RERE: variants seen among roughly 807,000 people sequenced by gnomAD.
RERE encodes the protein arginine-glutamic acid dipeptide repeats protein.
In RERE, 40 loss-of-function variants were observed where a neutral mutation model predicts 146.1. That is an observed-to-expected ratio of 0.27 (90% CI 0.21 to 0.36). The LOEUF (loss-of-function observed/expected upper bound fraction) is 0.36. RERE is among the 10% of genes least tolerant of loss of function. The pLI is 1.00. For synonymous variants in RERE, 1,003 were observed against 866.0 expected (o/e 1.16, Z -2.78); for missense variants, 1,933 against 2,138.7 (o/e 0.90, Z 1.90).
chr1:8,619,772 T>A lies in RERE; in HGVS notation c.396+4538A>T, dbSNP rs530575492. Among the ~76,000 whole-genome samples the A allele has an allele frequency of 5.3e-5, 8 of 152,356 alleles. No individual in the cohort carries two copies. In the South Asian group the frequency reaches 1.7e-3, roughly 32 times the overall value. On this transcript the variant is annotated intron_variant, in intron 3 of 22. Coordinates refer to ENST00000400908, the MANE Select transcript of RERE (RefSeq NM_001042681.2). ...TAATGCCTGGGTTTCTATAAAAATATGATTTTATTGTTTTTCGTAAACAAA... is the reference window on the plus strand; with the variant it reads ...TAATGCCTGGGTTTCTATAAAAATAAGATTTTATTGTTTTTCGTAAACAAA...
intron 12 of RERE, among the ~76,000 whole-genome samples, chr1:8,367,312 TG>T: frequency 6.6e-6 from 1 of 152,210 alleles, no homozygotes. Context: ...GGTGGTGGGG[TG>T]GCTTCCGCAA....
At chr1:8,659,218 G>T (rs1373034658) in intron 1 of RERE, among the ~76,000 whole-genome samples, 1 of 152,172 alleles carries the variant, frequency 6.6e-6, no homozygotes, top group African/African-American at 2.4e-5. Flanking sequence ...CTACTTCCTC[G>T]ACAAGTCTTA....
At chr1:8,461,999 C>T (rs915207070) in intron 11 of RERE, among the ~76,000 whole-genome samples, 2 of 152,074 alleles carry the variant, frequency 1.3e-5, no homozygotes, top group Non-Finnish European at 2.9e-5. Flanking sequence ...CACATGGCAC[C>T]ATGTTCAGCT....
rs141257513 is a variant in RERE, at chr1:8,398,909, C to A, written c.1284+23818G>T. On this transcript the variant is annotated intron_variant, in intron 12 of 22. Transcript: ENST00000400908. ...CATGAGAGTACCTGCTTTTCAACAA[C>A]CTCACTTCTACTTAGAACTGATAAA... Among the ~76,000 whole-genome samples the A allele has an allele frequency of 1.2e-4, 19 of 152,294 alleles. No homozygotes were observed. The South Asian group carries it at 1.9e-3, about 15-fold the overall frequency.
chr1:8,455,245 A>T (rs566922005), intron 11 of RERE, among the ~76,000 whole-genome samples: 92 of 151,920 alleles, frequency 6.1e-4, no homozygotes, highest in African/African-American at 2.2e-3. Flanking sequence ...TTTTATTATT[A>T]TTTTTTATTT....
At chr1:8,465,812 G>T in intron 11 of RERE, 113 bp downstream of exon 11, 2 of 853,650 alleles carry the variant, frequency 2.3e-6, no homozygotes, top group Non-Finnish European at 2.0e-6. Flanking sequence ...GCCACGGACA[G>T]CCATTCTGCA....
intron 1 of RERE, among the ~76,000 whole-genome samples, chr1:8,695,948 G>T (rs969622656): frequency 6.6e-6 from 1 of 152,098 alleles, no homozygotes; most frequent in African/African-American, 2.4e-5. Context: ...CTCAAAAGAA[G>T]ACATACAAGT....
In RERE at chr1:8,817,321, GC is replaced by G. The variant is rs1162926830; in HGVS notation, c.-307del. 6.6e-6 allele frequency: 1 copy of G among 152,160 alleles called. No homozygotes were observed. Among genetic ancestry groups the G allele is most frequent in the East Asian group, 1.9e-4 (1 of 5,176 alleles). The allele number at this position is 152,160 out of a possible 1,614,324, so 9.4% of individuals were successfully genotyped here. A position where few individuals can be genotyped will look rare whatever the true frequency, so the allele number is the denominator to read the frequency against. On this transcript the variant is annotated 5_prime_UTR_variant, in exon 1 of 23. Coordinates refer to ENST00000400908, the MANE Select transcript of RERE (RefSeq NM_001042681.2). ...GAGGCGACGCGGAGGGGCTGAGGGG[GC>G]TTCCCTGCCGTGACCTTTCCTGCGA...
intron 4 of RERE, among the ~76,000 whole-genome samples, chr1:8,604,527 T>C (rs570821717): frequency 1.4e-4 from 20 of 142,728 alleles, no homozygotes; most frequent in African/African-American, 5.2e-4. Flanking sequence ...TGTTTTGTTG[T>C]GGGGGAAGAG....
intron 1 of RERE, among the ~76,000 whole-genome samples, chr1:8,731,913 C>T (rs1640094114): frequency 6.6e-6 from 1 of 152,184 alleles, no homozygotes; most frequent in Non-Finnish European, 1.5e-5. Flanking sequence ...TGCCATTCTC[C>T]TGCCTCAGCC....
rs979818947 is a variant in RERE, at chr1:8,750,375, T to A, written c.-145+66785A>T. On this transcript the variant is annotated intron_variant, in intron 1 of 22. Coordinates refer to ENST00000400908, the MANE Select transcript of RERE (RefSeq NM_001042681.2). Reference sequence around the variant, plus strand: ...TTCTGCCTCATTCAACATCTGTGAGTGTCACAAACCCAGTAGTCTTTTAAA... The same window carrying A: ...TTCTGCCTCATTCAACATCTGTGAGAGTCACAAACCCAGTAGTCTTTTAAA... 7.7e-6 allele frequency: 5 copies of A among 652,870 alleles called. No homozygotes were observed. In the African/African-American group the frequency reaches 9.1e-5, roughly 12 times the overall value. The allele number at this position is 652,870 out of a possible 1,614,324, so 40.4% of individuals were successfully genotyped here. A position where few individuals can be genotyped will look rare whatever the true frequency, so the allele number is the denominator to read the frequency against.
At chr1:8,369,572 C>A (rs1178350482) in intron 12 of RERE, among the ~76,000 whole-genome samples, 2 of 149,474 alleles carry the variant, frequency 1.3e-5, no homozygotes, top group East Asian at 1.9e-4. Flanking sequence ...GAAGGACTGT[C>A]CTCCACAGCA....
At chr1:8,619,297 T>A (rs1314562605) in intron 3 of RERE, among the ~76,000 whole-genome samples, 1 of 152,138 alleles carries the variant, frequency 6.6e-6, no homozygotes, top group African/African-American at 2.4e-5. Flanking sequence ...TCCCTAACTA[T>A]CACCCCCAAC....
At chr1:8,789,301 A>AAAAAAAAATATATAT in intron 1 of RERE, among the ~76,000 whole-genome samples, 3 of 24,814 alleles carry the variant, frequency 1.2e-4, no homozygotes, top group African/African-American at 6.9e-4. Context: ...AAAAAAAAAA[A>AAAAAAAAATATATAT]ATATATATAT....
chr1:8,694,774 G>A (rs1356849526), intron 1 of RERE, among the ~76,000 whole-genome samples: 1 of 151,498 alleles, frequency 6.6e-6, no homozygotes, highest in Non-Finnish European at 1.5e-5. Context: ...AAAAAGAAAT[G>A]ACAGATGACA....
At chr1:8,499,582 T>C (rs1645101738) in intron 8 of RERE, among the ~76,000 whole-genome samples, 1 of 152,210 alleles carries the variant, frequency 6.6e-6, no homozygotes, top group Non-Finnish European at 1.5e-5. Context: ...TTTTAAATGT[T>C]GGTATTCAAG....
At position 8,807,285 on chromosome 1, in the gene RERE, C is replaced by T. The variant is rs569124679; in HGVS notation, c.-145+9875G>A. ...CCCAGGCTGGTCTCAAACTCCTGGTCTCAAGGGAGCCTCCTGCCTCGACCT... is the reference window on the plus strand; with the variant it reads ...CCCAGGCTGGTCTCAAACTCCTGGTTTCAAGGGAGCCTCCTGCCTCGACCT... On this transcript the variant is annotated intron_variant, in intron 1 of 22. Coordinates refer to ENST00000400908, the MANE Select transcript of RERE (RefSeq NM_001042681.2). Among the ~76,000 whole-genome samples the T allele has an allele frequency of 7.2e-5, 11 of 152,262 alleles. No homozygotes were observed. In the South Asian group the frequency reaches 2.3e-3, roughly 32 times the overall value.
chr1:8,672,696 T>C (rs959092578), intron 1 of RERE, among the ~76,000 whole-genome samples: 15 of 152,204 alleles, frequency 9.9e-5, no homozygotes, highest in African/African-American at 3.6e-4. Flanking sequence ...GTGTCAACAA[T>C]AACCTTTATG....
chr1:8,789,526 C>T (rs182307434), intron 1 of RERE, among the ~76,000 whole-genome samples: 1 of 151,658 alleles, frequency 6.6e-6, no homozygotes, highest in African/African-American at 2.4e-5. Flanking sequence ...ACTTCCCATC[C>T]CCACATTACA....
Sources: allele counts gnomAD v4.1 joint callset (sites outside exome capture counted in the v4.1 genomes callset), GRCh38; gene constraint gnomAD v4.1.1; transcripts MANE v1.5; gene names NCBI Gene and HGNC (gene_info 2026-07-23, HGNC 2026-07-21).